Variants in MRTFB observed in about 807,000 individuals in gnomAD.
MRTFB encodes myocardin-related transcription factor B.
A neutral mutation model predicts 104.2 loss-of-function variants in MRTFB; 29 were observed. The ratio of observed to expected loss-of-function variants is 0.28; its 90% confidence interval spans 0.21 to 0.38. The LOEUF is 0.38. MRTFB is among the 10% of genes least tolerant of loss of function. The pLI, the probability that MRTFB is intolerant of heterozygous loss-of-function variation, is 1.00. For missense variants in MRTFB, 1,270 were observed against 1,341.6 expected (o/e 0.95, Z 0.83); for synonymous variants, 535 against 519.5 (o/e 1.03, Z -0.41).
chr16:14,225,232 G>A (rs2041945720), intron 8 of MRTFB, among the ~76,000 whole-genome samples: 1 of 152,024 alleles, frequency 6.6e-6, no homozygotes. Flanking sequence ...TATTAAAACA[G>A]TATTATAATT....
intron 8 of MRTFB, among the ~76,000 whole-genome samples, chr16:14,232,940 G>A (rs113088014): frequency 1.0e-3 from 157 of 152,310 alleles, no homozygotes; most frequent in African/African-American, 3.7e-3. Flanking sequence ...TCAGGGAAGT[G>A]GAAGTGTTAA....
At chr16:14,178,541 C>T (rs1459902254) in intron 3 of MRTFB, among the ~76,000 whole-genome samples, 1 of 150,356 alleles carries the variant, frequency 6.7e-6, no homozygotes, top group Non-Finnish European at 1.5e-5. Context: ...ATAGGACACT[C>T]AGTCAGATTA....
intron 15 of MRTFB, among the ~76,000 whole-genome samples, chr16:14,256,537 G>A (rs1428072988): frequency 6.6e-6 from 1 of 152,198 alleles, no homozygotes; most frequent in Non-Finnish European, 1.5e-5. Context: ...GGAAAAGCCA[G>A]CTGTCATGCC....
chr16:14,101,127 GTT>G (rs199837576), intron 2 of MRTFB, among the ~76,000 whole-genome samples: 3,754 of 122,962 alleles, frequency 0.031, 47 homozygotes, highest in Middle Eastern at 0.1. Context: ...ATTATGTAGG[GTT>G]TTTTTTTTTT....
chr16:14,066,563 G>A (rs142609256), upstream of MRTFB, among the ~76,000 whole-genome samples: 9 of 151,952 alleles, frequency 5.9e-5, no homozygotes, highest in East Asian at 1.2e-3. Flanking sequence ...ATGAGCCACC[G>A]TGCCCGGCCT....
At chr16:14,091,833 A>T (rs946399343) in intron 2 of MRTFB, among the ~76,000 whole-genome samples, 3 of 151,952 alleles carry the variant, frequency 2.0e-5, no homozygotes, top group African/African-American at 7.2e-5. Flanking sequence ...CGTCTCTACT[A>T]AAAATACAAA....
At chr16:14,130,930 A>C (rs1382981332) in intron 2 of MRTFB, among the ~76,000 whole-genome samples, 1 of 152,148 alleles carries the variant, frequency 6.6e-6, no homozygotes, top group Non-Finnish European at 1.5e-5. Flanking sequence ...GAACGGCAGC[A>C]TGGGGGTAAC....
At chr16:14,082,391 G>A (rs1036293940) in intron 2 of MRTFB, among the ~76,000 whole-genome samples, 13 of 152,174 alleles carry the variant, frequency 8.5e-5, no homozygotes, top group African/African-American at 1.7e-4. Context: ...TATTCCATTC[G>A]TCTATGTGTC....
chr16:14,243,489 A>G (rs1171425709), intron 10 of MRTFB, among the ~76,000 whole-genome samples: 3 of 152,224 alleles, frequency 2.0e-5, no homozygotes, highest in Non-Finnish European at 2.9e-5. Context: ...TGAAGCTGCA[A>G]TGGAATCGGC....
intron 3 of MRTFB, among the ~76,000 whole-genome samples, chr16:14,197,239 G>T (rs1049842353): frequency 2.0e-5 from 3 of 152,072 alleles, no homozygotes; most frequent in Admixed American, 1.3e-4. Flanking sequence ...CTCCCAAAGT[G>T]CTGGGATTAC....
chr16:14,023,657 A>ATATGTG, the MRTFB span, among the ~76,000 whole-genome samples: 1 of 145,100 alleles, frequency 6.9e-6, no homozygotes, highest in South Asian at 2.2e-4. Flanking sequence ...ATACATATTT[A>ATATGTG]TGTGTGTGTG....
At chr16:14,233,480 A>G (rs1440424331) in intron 8 of MRTFB, among the ~76,000 whole-genome samples, 1 of 152,096 alleles carries the variant, frequency 6.6e-6, no homozygotes, top group Non-Finnish European at 1.5e-5. Context: ...CTGTATAGCA[A>G]AGGGACTTTA....
the MRTFB span, among the ~76,000 whole-genome samples, chr16:14,028,206 C>CAAAACAAAACAAAACAA: frequency 9.9e-5 from 15 of 151,196 alleles, no homozygotes; most frequent in South Asian, 4.2e-4. Context: ...AAACACAACA[C>CAAAACAAAACAAAACAA]AACAAAACAA....
chr16:14,145,659 AATGAAGGAAAATGGATATACAG>A (rs1392025392), intron 3 of MRTFB, among the ~76,000 whole-genome samples: 1 of 152,224 alleles, frequency 6.6e-6, no homozygotes, highest in East Asian at 1.9e-4. Context: ...GTGAGGCCTT[AATGAAGGAAAATGGATATACAG>A]AAACACATGC....
chr16:14,134,071 T>G (rs1311870054), intron 2 of MRTFB, among the ~76,000 whole-genome samples: 1 of 152,224 alleles, frequency 6.6e-6, no homozygotes, highest in East Asian at 1.9e-4. Flanking sequence ...GTTATAGTAC[T>G]TACTAAGAAT....
the MRTFB span, among the ~76,000 whole-genome samples, chr16:14,018,240 C>T: frequency 2.8e-3 from 423 of 152,192 alleles, 4 homozygotes; most frequent in African/African-American, 9.6e-3. Context: ...CTGGCTCCAC[C>T]GCTTATAGCT....
At chr16:14,087,744 G>T (rs545214424) in intron 2 of MRTFB, among the ~76,000 whole-genome samples, 1 of 152,146 alleles carries the variant, frequency 6.6e-6, no homozygotes, top group Non-Finnish European at 1.5e-5. Context: ...AGTGTGAAAG[G>T]ATATCCTCCT....
rs935149346 is a variant in MRTFB, at chr16:14,176,895, A to G, written c.155-33348A>G. Among the ~76,000 whole-genome samples, 3 of 152,246 alleles carry G rather than the reference A, an allele frequency of 2.0e-5. No homozygotes were observed. The East Asian group carries it at 5.8e-4, about 29-fold the overall frequency. On this transcript the variant is annotated intron_variant, in intron 3 of 16. Coordinates refer to ENST00000571589, the MANE Select transcript of MRTFB (RefSeq NM_001308142.2). ...TGTGCTGAGTCCTTTGATGACAGGTATCATGAGTGTTCAGAGTGTGCAGAG... is the reference window on the plus strand; with the variant it reads ...TGTGCTGAGTCCTTTGATGACAGGTGTCATGAGTGTTCAGAGTGTGCAGAG...
At chr16:14,199,074 C>G (rs1271275776) in intron 3 of MRTFB, among the ~76,000 whole-genome samples, 1 of 152,234 alleles carries the variant, frequency 6.6e-6, no homozygotes, top group Non-Finnish European at 1.5e-5. Context: ...TGCTTACACT[C>G]TTGCCTCTCG....
Sources: allele counts gnomAD v4.1 joint callset (sites outside exome capture counted in the v4.1 genomes callset), GRCh38; gene constraint gnomAD v4.1.1; transcripts MANE v1.5; gene names NCBI Gene and HGNC (gene_info 2026-07-23, HGNC 2026-07-21).